Variants in RGMA observed in about 807,000 individuals in gnomAD.
The protein encoded by RGMA is repulsive guidance molecule BMP co-receptor a, also known as repulsive guidance molecule A.
RGMA carries 10 observed loss-of-function variants against 23.2 expected under a neutral mutation model. That is an observed-to-expected ratio of 0.43 (90% CI 0.27 to 0.73). RGMA has a LOEUF of 0.73. Among genes scored for constraint, RGMA ranks in the 30% least tolerant of loss-of-function variants. The pLI, the probability that RGMA is intolerant of heterozygous loss-of-function variation, is 0.20. For synonymous variants in RGMA, 308 were observed against 279.3 expected (o/e 1.10, Z -1.03); for missense variants, 547 against 630.5 (o/e 0.87, Z 1.42).
chr15:93,078,535 T>A (rs151010005), intron 1 of RGMA, among the ~76,000 whole-genome samples: 396 of 152,376 alleles, frequency 2.6e-3, no homozygotes, highest in African/African-American at 8.7e-3. Flanking sequence ...TCTGGTCATC[T>A]CAGATTTGAT....
At chr15:93,049,134 C>T (rs1026272807) in intron 3 of RGMA, among the ~76,000 whole-genome samples, 1 of 152,222 alleles carries the variant, frequency 6.6e-6, no homozygotes, top group African/African-American at 2.4e-5. Flanking sequence ...GGCTGCCGCT[C>T]CTGTCTCTGC....
At chr15:93,051,916 C>G (rs564169670) in intron 3 of RGMA, 77 bp downstream of exon 3, 17 of 1,434,144 alleles carry the variant, frequency 1.2e-5, no homozygotes, top group Non-Finnish European at 1.6e-5. Flanking sequence ...ACCCGAGGCC[C>G]TCTCAGCCTC....
rs1282561883 is a variant in RGMA, at chr15:93,066,157, T to G, written c.130+6759A>C. On this transcript the variant is annotated intron_variant, in intron 2 of 3. Transcript: ENST00000329082. ...GGGCACCTCCCCGGGCCCAGTTACA[T>G]TAGCGGCTTCTGCACCCTTCTCTCC... 2.2e-6 allele frequency: 3 copies of G among 1,361,580 alleles called. No homozygotes were observed. The Admixed American group carries it at 5.1e-5, about 23-fold the overall frequency. The allele number at this position is 1,361,580 out of a possible 1,614,324, so 84.3% of individuals were successfully genotyped here.
At chr15:93,059,847 A>G (rs1169777616) in intron 2 of RGMA, among the ~76,000 whole-genome samples, 1 of 152,242 alleles carries the variant, frequency 6.6e-6, no homozygotes, top group East Asian at 1.9e-4. Flanking sequence ...GTATCTTTAT[A>G]AAAAGACCCC....
chr15:93,083,315 G>A (rs1329963894), intron 1 of RGMA, among the ~76,000 whole-genome samples: 1 of 152,108 alleles, frequency 6.6e-6, no homozygotes, highest in African/African-American at 2.4e-5. Context: ...AGTGTTTCAG[G>A]AAAGCAAGAG....
chr15:93,036,440 C>T lies in RGMA; in HGVS notation c.*8558G>A, dbSNP rs10744972. 88,443 of 152,232 alleles carry T rather than the reference C, an allele frequency of 0.58. 26,764 individuals carry two copies. Among genetic ancestry groups the T allele is most frequent in the East Asian group, 0.93 (4,801 of 5,168 alleles). The allele number at this position is 152,232 out of a possible 1,614,324, so 9.4% of individuals were successfully genotyped here. On this transcript the variant is annotated 3_prime_UTR_variant, in exon 4 of 4. Coordinates refer to ENST00000329082, the MANE Select transcript of RGMA (RefSeq NM_020211.3). ...CAAGTCCACTCAAGAAGGCGGTTGC[C>T]GGAGTTTTCCTGCTCCACCCTGGGG... is the stretch of plus-strand genomic sequence containing the variant.
In RGMA at chr15:93,045,418, A is replaced by G; in HGVS notation, c.933T>C (p.Gly311=). 4 of 1,612,678 alleles carry G rather than the reference A, an allele frequency of 2.5e-6. No homozygotes were observed. The highest frequency in any genetic ancestry group is 3.4e-6 in the Non-Finnish European group (4 of 1,179,710). ...VNAVEDWDSQ[G]LYLCLRGCPL... Reference sequence around the variant, plus strand: ...GGCAGCCCCGCAGGCAGAGGTAGAGACCCTGGCTGTCCCAGTCCTCCACAG... The same window carrying G: ...GGCAGCCCCGCAGGCAGAGGTAGAGGCCCTGGCTGTCCCAGTCCTCCACAG... Residue 311 remains glycine, a synonymous_variant, in exon 4 of 4, where the codon GGT becomes GGC. Coordinates refer to ENST00000329082, the MANE Select transcript of RGMA (RefSeq NM_020211.3). The surrounding 1 kb of genome is among the most constrained non-coding windows in gnomAD (Gnocchi z 6.9).
intron 2 of RGMA, among the ~76,000 whole-genome samples, chr15:93,055,429 G>C (rs939983181): frequency 6.6e-6 from 1 of 152,158 alleles, no homozygotes; most frequent in Non-Finnish European, 1.5e-5. Flanking sequence ...TCCCCTCATT[G>C]CATCTTCCCG....
At position 93,043,595 on chromosome 15, in the gene RGMA, G is replaced by C. The variant is rs2054759568; in HGVS notation, c.*1403C>G. 1 of 152,346 alleles carries C rather than the reference G, an allele frequency of 6.6e-6. No individual in the cohort carries two copies. The highest frequency in any genetic ancestry group is 2.4e-5 in the African/African-American group (1 of 41,416). The allele number at this position is 152,346 out of a possible 1,614,324, so 9.4% of individuals were successfully genotyped here. The stretch of plus-strand genomic sequence containing the variant: ...TGCTTCACTTTTTACTTCCAACATA[G>C]GGACCAACTAAAACCAGCAGGGAGA... On this transcript the variant is annotated 3_prime_UTR_variant, in exon 4 of 4. Coordinates refer to ENST00000329082, the MANE Select transcript of RGMA (RefSeq NM_020211.3).
At chr15:93,052,812 A>T (rs766304670) in intron 2 of RGMA, among the ~76,000 whole-genome samples, 1 of 152,196 alleles carries the variant, frequency 6.6e-6, no homozygotes, top group Non-Finnish European at 1.5e-5. Context: ...TTGGGAGCTG[A>T]CAGGCCACCC....
chr15:93,036,459 C>G lies in RGMA; in HGVS notation c.*8539G>C, dbSNP rs1005532693. 2 of 152,334 alleles carry G rather than the reference C, an allele frequency of 1.3e-5. No individual in the cohort carries two copies. Among genetic ancestry groups the G allele is most frequent in the African/African-American group, 4.8e-5 (2 of 41,458 alleles). 9.4% of individuals were successfully genotyped at this position (152,334 alleles called of 1,614,324 possible). On this transcript the variant is annotated 3_prime_UTR_variant, in exon 4 of 4. Coordinates refer to ENST00000329082, the MANE Select transcript of RGMA (RefSeq NM_020211.3). Reference sequence around the variant, plus strand: ...GGTTGCCGGAGTTTTCCTGCTCCACCCTGGGGAGGGACCCCTGGCCCCGCA... The same window carrying G: ...GGTTGCCGGAGTTTTCCTGCTCCACGCTGGGGAGGGACCCCTGGCCCCGCA...
intron 1 of RGMA, 190 bp downstream of exon 1, chr15:93,088,729 C>T (rs1895684417): frequency 6.5e-6 from 5 of 765,690 alleles, no homozygotes; most frequent in Non-Finnish European, 5.8e-6. Context: ...AAACACCAAA[C>T]CACAAAAACT....
chr15:93,051,953 AGG>A, intron 3 of RGMA, 38 bp downstream of exon 3: 1 of 1,536,322 alleles, frequency 6.5e-7, no homozygotes. Flanking sequence ...GCAGAGACAA[AGG>A]GCAGGGCTGT....
chr15:93,049,513 C>T (rs1053543335), intron 3 of RGMA, among the ~76,000 whole-genome samples: 7 of 152,130 alleles, frequency 4.6e-5, no homozygotes, highest in African/African-American at 1.2e-4. Context: ...GGCTGTCCCA[C>T]GGGGGTAAGA....
chr15:93,073,760 G>C, intron 1 of RGMA: 1 of 1,537,144 alleles, frequency 6.5e-7, no homozygotes, highest in Non-Finnish European at 8.7e-7. Flanking sequence ...CACCCATCCT[G>C]ACTGGGTTTG....
chr15:93,071,693 G>A (rs1895328523), intron 2 of RGMA, among the ~76,000 whole-genome samples: 1 of 152,208 alleles, frequency 6.6e-6, no homozygotes, highest in Non-Finnish European at 1.5e-5. Flanking sequence ...TCACAGCCAG[G>A]CCGAGCCAGA....
In RGMA at chr15:93,038,134, G is replaced by A. The variant is rs1478532562; in HGVS notation, c.*6864C>T. The A allele has an allele frequency of 6.6e-6, 1 of 152,280 alleles. No homozygotes were observed. Among genetic ancestry groups the A allele is most frequent in the Non-Finnish European group, 1.5e-5 (1 of 68,072 alleles). 9.4% of individuals were successfully genotyped at this position (152,280 alleles called of 1,614,324 possible). The stretch of plus-strand genomic sequence containing the variant: ...CTGCAGGATGGGGAAGGTGGCTAAG[G>A]AAAGCTGTTGATAGCAGGGTTGGGG... On this transcript the variant is annotated 3_prime_UTR_variant, in exon 4 of 4. Coordinates refer to ENST00000329082, the MANE Select transcript of RGMA (RefSeq NM_020211.3).
Position 93,065,975 on chromosome 15 carries a change from G to A in RGMA, c.130+6941C>T, listed in dbSNP as rs543526676. ...AAGGGTGGGGGGCGCCGTCGTCTGGGCCGCTGCGCGGAGTCTTTGGCCCGT... is the reference window on the plus strand; with the variant it reads ...AAGGGTGGGGGGCGCCGTCGTCTGGACCGCTGCGCGGAGTCTTTGGCCCGT... On this transcript the variant is annotated intron_variant, in intron 2 of 3. Coordinates refer to ENST00000329082, the MANE Select transcript of RGMA (RefSeq NM_020211.3). 12 of 1,076,004 alleles carry A rather than the reference G, an allele frequency of 1.1e-5. No homozygotes were observed. In the South Asian group the frequency reaches 1.1e-4, roughly 10 times the overall value. 66.7% of individuals were successfully genotyped at this position (1,076,004 alleles called of 1,614,324 possible).
intron 1 of RGMA, chr15:93,073,294 A>G: frequency 1.4e-6 from 1 of 726,430 alleles, no homozygotes; most frequent in South Asian, 6.4e-5. Flanking sequence ...GAGGCCGGCG[A>G]GGTAGCCGGA....
Sources: gnomAD v4.1 joint callset for allele counts (sites outside exome capture counted in the v4.1 genomes callset) on GRCh38, gnomAD v4.1.1 for gene constraint, Gnocchi (gnomAD v3.1) non-coding constraint, MANE v1.5 for transcripts, NCBI Gene and HGNC (gene_info 2026-07-23, HGNC 2026-07-21) for gene names.